The following PARP16 variants were observed in gnomAD, a reference collection of about 807,000 sequenced individuals.
The protein encoded by PARP16 is poly(ADP-ribose) polymerase family member 16, also known as protein mono-ADP-ribosyltransferase PARP16.
Under a neutral mutation model 35.0 loss-of-function variants are expected in PARP16, and 31 were observed. That is an observed-to-expected ratio of 0.88 (90% CI 0.66 to 1.19). The LOEUF (loss-of-function observed/expected upper bound fraction) is 1.19. Among genes scored for constraint, PARP16 ranks in the 50% most tolerant of loss-of-function variants. PARP16 has a pLI of 0.00. For missense variants in PARP16, 424 were observed against 411.2 expected (o/e 1.03, Z -0.27); for synonymous variants, 162 against 169.5 (o/e 0.96, Z 0.34).
intron 1 of PARP16, among the ~76,000 whole-genome samples, chr15:65,273,867 ACT>A (rs1349283540): frequency 5.9e-5 from 7 of 117,668 alleles, no homozygotes; most frequent in Non-Finnish European, 1.0e-4. Flanking sequence ...CAATAGCAAA[ACT>A]CTGTTTCAAA....
At chr15:65,275,033 T>C (rs923735820) in intron 1 of PARP16, among the ~76,000 whole-genome samples, 2 of 151,620 alleles carry the variant, frequency 1.3e-5, no homozygotes, top group African/African-American at 4.9e-5. Context: ...GAGAATCCCT[T>C]GAACTCCAGA....
At chr15:65,239,454 G>A (rs369403518) in intron 3 of PARP16, among the ~76,000 whole-genome samples, 931 of 42,396 alleles carry the variant, frequency 0.022, 3 homozygotes, top group East Asian at 0.044. Context: ...AAAAAAAAAA[G>A]AGAGAAAAGA....
chr15:65,274,569 G>A (rs2090192347), intron 1 of PARP16, among the ~76,000 whole-genome samples: 1 of 112,638 alleles, frequency 8.9e-6, no homozygotes, highest in Admixed American at 1.1e-4. Flanking sequence ...GTGAAACCCT[G>A]TCTCGAATAA....
At chr15:65,259,766 A>G (rs948401310) in intron 5 of PARP16, among the ~76,000 whole-genome samples, 1 of 152,224 alleles carries the variant, frequency 6.6e-6, no homozygotes, top group Non-Finnish European at 1.5e-5. Flanking sequence ...AAAGACAGCT[A>G]TGCAATGAGC....
chr15:65,242,280 G>A (rs1056129979), intron 3 of PARP16, among the ~76,000 whole-genome samples: 29 of 152,064 alleles, frequency 1.9e-4, no homozygotes, highest in Middle Eastern at 3.4e-3. Flanking sequence ...AGCTCTGTCT[G>A]TAGTCTTGAA....
chr15:65,234,615 G>C (rs1329769187), exon 4 of PARP16: 2 of 152,196 alleles, frequency 1.3e-5, no homozygotes, highest in Non-Finnish European at 2.9e-5. Flanking sequence ...GGGAGTAACT[G>C]GGCTCAGCTA....
At position 65,259,272 on chromosome 15, in the gene PARP16, G is replaced by A; in HGVS notation, c.*135C>T. ...CATCAAAGGCAATGGATACATTTAG[G>A]CCATATGAAAATTGTCCTGTGGTCC... On this transcript the variant is annotated 3_prime_UTR_variant, in exon 6 of 6. Coordinates refer to ENST00000649807, the MANE Select transcript of PARP16 (RefSeq NM_001316943.2). The A allele has an allele frequency of 1.3e-6, 1 of 773,296 alleles. No individual in the cohort carries two copies. Among genetic ancestry groups the A allele is most frequent in the Non-Finnish European group, 2.2e-6 (1 of 447,370 alleles). The allele number at this position is 773,296 out of a possible 1,614,324, so 47.9% of individuals were successfully genotyped here.
chr15:65,236,147 C>T (rs1175145999), intron 3 of PARP16, among the ~76,000 whole-genome samples: 1 of 152,138 alleles, frequency 6.6e-6, no homozygotes, highest in Non-Finnish European at 1.5e-5. Flanking sequence ...GCGTGAGCCA[C>T]TGTGCCCAGC....
At chr15:65,268,943 C>CG (rs1042607634) in intron 2 of PARP16, among the ~76,000 whole-genome samples, 11 of 151,512 alleles carry the variant, frequency 7.3e-5, no homozygotes, top group African/African-American at 2.4e-4. Context: ...TTATTAGAGA[C>CG]GAAGCTTCAT....
rs2089614197 is a variant in PARP16, at chr15:65,259,181, G to T, written c.*226C>A. 1.8e-6 allele frequency: 1 copy of T among 544,236 alleles called. No individual in the cohort carries two copies. The highest frequency in any genetic ancestry group is 3.3e-6 in the Non-Finnish European group (1 of 302,708). 33.7% of individuals were successfully genotyped at this position (544,236 alleles called of 1,614,324 possible). A position where few individuals can be genotyped will look rare whatever the true frequency, so the allele number is the denominator to read the frequency against. On this transcript the variant is annotated 3_prime_UTR_variant, in exon 6 of 6. Coordinates refer to ENST00000649807, the MANE Select transcript of PARP16 (RefSeq NM_001316943.2). Reference sequence around the variant, plus strand: ...CAGTTTAAGAAGGAGCAGATGGAAGGACTCCCCTAAAACCTAAGAGTGAGG... The same window carrying T: ...CAGTTTAAGAAGGAGCAGATGGAAGTACTCCCCTAAAACCTAAGAGTGAGG...
chr15:65,280,421 A>AG (rs1013438905), intron 1 of PARP16, among the ~76,000 whole-genome samples: 2 of 148,104 alleles, frequency 1.4e-5, no homozygotes, highest in African/African-American at 2.5e-5. Flanking sequence ...TGGGCAACAG[A>AG]GCAAGAACTC....
intron 3 of PARP16, among the ~76,000 whole-genome samples, chr15:65,235,861 G>GTTTTT (rs752611247): frequency 1.6e-5 from 2 of 122,014 alleles, no homozygotes; most frequent in Admixed American, 8.6e-5. Flanking sequence ...TGCAGATATG[G>GTTTTT]TTTTTTTTTT....
chr15:65,247,257 A>G (rs1393452185), intron 3 of PARP16, among the ~76,000 whole-genome samples: 4 of 152,122 alleles, frequency 2.6e-5, no homozygotes, highest in African/African-American at 9.7e-5. Flanking sequence ...GGCCTCCCGA[A>G]ATGCTGGGAT....
chr15:65,253,191 C>T (rs2089406408), downstream of PARP16, among the ~76,000 whole-genome samples: 2 of 152,076 alleles, frequency 1.3e-5, no homozygotes, highest in South Asian at 4.1e-4. Flanking sequence ...TCCTTTCCAC[C>T]CCACTAACCT....
rs1373464475 is a variant in PARP16, at chr15:65,263,278, T to C, written c.562A>G (p.Ser188Gly). The C allele has an allele frequency of 3.2e-5, 51 of 1,611,126 alleles. No homozygotes were observed. Among genetic ancestry groups the C allele is most frequent in the Non-Finnish European group, 3.9e-5 (46 of 1,178,560 alleles). ...GEGTYLTSDL[S>G]LALIYSPHGH... is the part of the protein sequence containing the mutation. ...TGGGGGCTGTATATGAGGGCCAGGC[T>C]CAAGTCACTGGTGAGGTAGGTCCCC... The change falls in exon 4 of 6, where the codon AGC (serine) becomes GGC (glycine). Residue 188 changes from serine (S) to glycine (G), a missense_variant. Coordinates refer to ENST00000649807, the MANE Select transcript of PARP16 (RefSeq NM_001316943.2).
intron 1 of PARP16, among the ~76,000 whole-genome samples, chr15:65,273,295 G>T (rs12898916): frequency 1.9e-5 from 2 of 105,410 alleles, no homozygotes; most frequent in African/African-American, 3.4e-5. Flanking sequence ...AAAAAAAAAA[G>T]AATACCTGTG....
chr15:65,256,892 TC>T (rs2089529345), downstream of PARP16, among the ~76,000 whole-genome samples: 1 of 152,166 alleles, frequency 6.6e-6, no homozygotes. Context: ...AACCAATTCC[TC>T]TGGGGGAAGG....
Position 65,270,869 on chromosome 15 carries a change from G to A in PARP16, c.312+66C>T. 3 of 1,512,872 alleles carry A rather than the reference G, an allele frequency of 2.0e-6. No individual in the cohort carries two copies. In the South Asian group the frequency reaches 3.4e-5, roughly 17 times the overall value. 93.7% of individuals were successfully genotyped at this position (1,512,872 alleles called of 1,614,324 possible). A position where few individuals can be genotyped will look rare whatever the true frequency, so the allele number is the denominator to read the frequency against. ...TACACAGGGAAGTCTCAGAGCCACT[G>A]GATTCAGTGCTGTCCTAGAGCCCTT... On this transcript the variant is annotated intron_variant, in intron 2 of 5. Transcript: ENST00000649807.
intron 1 of PARP16, chr15:65,285,573 G>T: frequency 9.0e-6 from 3 of 333,742 alleles, no homozygotes; most frequent in African/African-American, 4.4e-5. Context: ...CACTTGACAG[G>T]TCCCAAAGAT....
Sources: gnomAD v4.1 joint callset for allele counts (sites outside exome capture counted in the v4.1 genomes callset) on GRCh38, gnomAD v4.1.1 for gene constraint, MANE v1.5 for transcripts, NCBI Gene and HGNC (gene_info 2026-07-23, HGNC 2026-07-21) for gene names.